The following ZNF536 variants were observed in gnomAD, a reference collection of about 807,000 sequenced individuals.
ZNF536 encodes zinc finger protein 536.
A neutral mutation model predicts 84.5 loss-of-function variants in ZNF536; 13 were observed. That is an observed-to-expected ratio of 0.15 (90% CI 0.10 to 0.24). ZNF536 has a LOEUF of 0.24. Among genes scored for constraint, ZNF536 ranks in the 10% least tolerant of loss-of-function variants. The pLI is 1.00. For synonymous variants in ZNF536, 811 were observed against 742.5 expected, an observed-to-expected ratio of 1.09 and a Z score of -1.50; for missense variants, 1,536 against 1,747.5, an observed-to-expected ratio of 0.88 and a Z score of 2.16.
chr19:30,423,807 G>A (rs941600138), intron 1 of ZNF536, among the ~76,000 whole-genome samples: 5 of 152,156 alleles, frequency 3.3e-5, no homozygotes, highest in Admixed American at 3.3e-4. Context: ...GGGGAACGGG[G>A]GCCTGGGAGC....
chr19:30,577,252 G>A (rs964854821), intron 1 of ZNF536, among the ~76,000 whole-genome samples: 1 of 152,094 alleles, frequency 6.6e-6, no homozygotes, highest in Admixed American at 6.6e-5. Context: ...TCATGGTTAA[G>A]GCCTTGTATG....
intron 3 of ZNF536, among the ~76,000 whole-genome samples, chr19:30,359,526 C>T (rs1320699982): frequency 1.3e-5 from 2 of 152,172 alleles, no homozygotes; most frequent in East Asian, 1.9e-4. Context: ...AAGTCCCTAT[C>T]TTCTGGGGGA....
intron 1 of ZNF536, among the ~76,000 whole-genome samples, chr19:30,637,265 G>C (rs993649246): frequency 6.6e-6 from 1 of 152,184 alleles, no homozygotes; most frequent in Non-Finnish European, 1.5e-5. Flanking sequence ...CCTAAGAACA[G>C]TCTCTAGCCT....
Position 30,444,988 on chromosome 19 carries a change from A to G in ZNF536, c.1426A>G (p.Met476Val), listed in dbSNP as rs759658668. 19 of 1,611,358 alleles carry G rather than the reference A, an allele frequency of 1.2e-5. No homozygotes were observed. In the South Asian group the frequency reaches 1.8e-4, roughly 15 times the overall value. The stretch of plus-strand genomic sequence containing the variant: ...GAAGCTGCTGTCTCCCATCTCCAGC[A>G]TGGCCCACGGCGTCCCGGAGGGGGA... ...LGKLLSPISS[M>V]AHGVPEGDKH... is the part of the protein sequence containing the mutation. Residue 476 changes from methionine (M) to valine (V), a missense_variant, in exon 2 of 5, where the codon ATG (methionine) becomes GTG (valine). Met to Val is a conservative substitution (Grantham distance 21, BLOSUM62 1). This residue lies in a region of ZNF536 where 366 missense variants were observed against 364.4 expected (regional missense o/e 1.00). Coordinates refer to ENST00000355537, the MANE Select transcript of ZNF536 (RefSeq NM_014717.3).
chr19:30,665,016 T>A (rs576011853), intron 1 of ZNF536, among the ~76,000 whole-genome samples: 3 of 152,164 alleles, frequency 2.0e-5, no homozygotes, highest in African/African-American at 7.2e-5. Flanking sequence ...TGGAAAATAA[T>A]ATCCAGTAAA....
intron 1 of ZNF536, among the ~76,000 whole-genome samples, chr19:30,608,982 C>T (rs1024652396): frequency 1.2e-4 from 18 of 152,166 alleles, no homozygotes; most frequent in African/African-American, 3.6e-4. Context: ...GTCCAGGTGA[C>T]AAAAGGGCCC....
chr19:30,374,059 A>AT (rs1291848339), intron 1 of ZNF536, among the ~76,000 whole-genome samples: 5 of 152,158 alleles, frequency 3.3e-5, no homozygotes, highest in African/African-American at 9.7e-5. Flanking sequence ...TATTATTATT[A>AT]TTTTTTAATG....
chr19:30,535,575 G>C (rs2045037119), intron 3 of ZNF536, among the ~76,000 whole-genome samples: 2 of 152,116 alleles, frequency 1.3e-5, no homozygotes, highest in Admixed American at 1.3e-4. Context: ...CTTAGGCAAA[G>C]GGGGGCAAGT....
intron 1 of ZNF536, among the ~76,000 whole-genome samples, chr19:30,707,405 G>A (rs1025226697): frequency 6.6e-6 from 1 of 152,044 alleles, no homozygotes; most frequent in Non-Finnish European, 1.5e-5. Context: ...CCAACCCAGG[G>A]CCTTCCCTAG....
rs140890508 is a variant in ZNF536, at chr19:30,652,786, T to C, written c.170-57971T>C. ...TCCTAGTGATCTGAGCTGAGTGGCA[T>C]TGTTCCGGTTGCTTGACCTTCACCT... On this transcript the variant is annotated intron_variant, in intron 1 of 1. Coordinates refer to the ZNF536 transcript ENST00000592773. 4.6e-5 allele frequency among the ~76,000 whole-genome samples: 7 copies of C among 152,286 alleles called. No homozygotes were observed. The East Asian group carries it at 1.4e-3, about 30-fold the overall frequency.
chr19:30,607,753 T>C (rs2047950711), intron 1 of ZNF536, among the ~76,000 whole-genome samples: 1 of 151,676 alleles, frequency 6.6e-6, no homozygotes, highest in South Asian at 2.1e-4. Context: ...AAAAAGTCCC[T>C]ATGCATATGT....
At chr19:30,438,950 C>T (rs965249553) in intron 1 of ZNF536, among the ~76,000 whole-genome samples, 4 of 152,092 alleles carry the variant, frequency 2.6e-5, no homozygotes, top group East Asian at 1.9e-4. Context: ...AGGTGTGAGC[C>T]GCTGCGTCTG....
chr19:30,648,549 G>T (rs2049567291), intron 1 of ZNF536, among the ~76,000 whole-genome samples: 1 of 152,124 alleles, frequency 6.6e-6, no homozygotes, highest in East Asian at 1.9e-4. Flanking sequence ...AACTTCCCCG[G>T]ATCAAGTGGC....
At chr19:30,385,559 A>G (rs1208203673) in intron 1 of ZNF536, among the ~76,000 whole-genome samples, 1 of 151,802 alleles carries the variant, frequency 6.6e-6, no homozygotes, top group East Asian at 1.9e-4. Flanking sequence ...CCTGCAGGAT[A>G]AAGGTTAACA....
chr19:30,469,254 A>G (rs2053537007), intron 2 of ZNF536, among the ~76,000 whole-genome samples: 1 of 152,132 alleles, frequency 6.6e-6, no homozygotes. Flanking sequence ...CTCTACTAAA[A>G]GCACAAAAAA....
intron 2 of ZNF536, among the ~76,000 whole-genome samples, chr19:30,498,259 TA>T (rs1381273906): frequency 6.6e-6 from 1 of 152,086 alleles, no homozygotes; most frequent in Non-Finnish European, 1.5e-5. Flanking sequence ...TATGCAGCCA[TA>T]AAAAGGAAGG....
rs1170810911 is a variant in ZNF536 at position 30,321,022 on chromosome 19, T to C, written c.-119-31346T>C. 2.6e-5 allele frequency among the ~76,000 whole-genome samples: 4 copies of C among 152,160 alleles called. No individual in the cohort carries two copies. The East Asian group carries it at 7.8e-4, about 29-fold the overall frequency. Reference sequence around the variant, plus strand: ...CCTCTATTCCAGTGACACAGAAAAATGCATCTCACCATCTCCGTCCCTTGG... The same window carrying C: ...CCTCTATTCCAGTGACACAGAAAAACGCATCTCACCATCTCCGTCCCTTGG... On this transcript the variant is annotated intron_variant, in intron 2 of 5. Coordinates refer to the ZNF536 transcript ENST00000585628.
At chr19:30,293,153 T>A (rs1484830018) in intron 2 of ZNF536, among the ~76,000 whole-genome samples, 1 of 152,144 alleles carries the variant, frequency 6.6e-6, no homozygotes, top group African/African-American at 2.4e-5. Context: ...TCTTGGGCAC[T>A]CCTTTTGCCT....
intron 2 of ZNF536, among the ~76,000 whole-genome samples, chr19:30,343,064 G>T (rs755657194): frequency 6.6e-6 from 1 of 152,126 alleles, no homozygotes; most frequent in Admixed American, 6.5e-5. Flanking sequence ...TGGGTCTCTT[G>T]TCTCCCCCAC....
Sources: allele counts gnomAD v4.1 joint callset (sites outside exome capture counted in the v4.1 genomes callset), GRCh38; gene constraint gnomAD v4.1.1; regional missense constraint gnomAD v4.1.1; transcripts MANE v1.5; gene names NCBI Gene and HGNC (gene_info 2026-07-23, HGNC 2026-07-21).